ATP13A3: variants seen among roughly 807,000 people sequenced by gnomAD.
ATP13A3 encodes the protein ATPase 13A3.
ATP13A3 carries 59 observed loss-of-function variants against 158.1 expected under a neutral mutation model. The observed-to-expected ratio is 0.37, with a 90% CI of 0.30 to 0.46. The LOEUF is 0.46. ATP13A3 is among the 20% of genes least tolerant of loss of function. ATP13A3 has a pLI of 1.00. For missense variants in ATP13A3, 1,166 were observed against 1,525.2 expected, an observed-to-expected ratio of 0.76 and a Z score of 3.92; for synonymous variants, 491 against 504.3, an observed-to-expected ratio of 0.97 and a Z score of 0.35.
intron 2 of ATP13A3, among the ~76,000 whole-genome samples, chr3:194,483,500 G>C (rs140000413): frequency 6.7e-6 from 1 of 149,546 alleles, no homozygotes; most frequent in African/African-American, 2.5e-5. Context: ...TGAGGTGGGA[G>C]GACTGCTTGA....
At chr3:194,493,959 C>T (rs1721176553) in intron 2 of ATP13A3, 3 of 388,900 alleles carry the variant, frequency 7.7e-6, no homozygotes, top group Non-Finnish European at 1.4e-5. Flanking sequence ...TTTCTGCTTA[C>T]AAATTGAGGA....
intron 2 of ATP13A3, among the ~76,000 whole-genome samples, chr3:194,473,867 T>C (rs1007760952): frequency 3.9e-5 from 6 of 152,212 alleles, no homozygotes; most frequent in Non-Finnish European, 7.3e-5. Context: ...AAGATAGAGC[T>C]ATGTAATATA....
chr3:194,441,662 G>A (rs1424376852), intron 15 of ATP13A3, among the ~76,000 whole-genome samples: 5 of 152,082 alleles, frequency 3.3e-5, no homozygotes, highest in Non-Finnish European at 5.9e-5. Context: ...TGCTATGGCT[G>A]CTGGGGGGAT....
chr3:194,447,940 T>C lies in ATP13A3; in HGVS notation c.1220A>G (p.Tyr407Cys), dbSNP rs1429325653. Residue 407 changes from tyrosine to cysteine, a missense_variant, in exon 13 of 34, where the codon TAC (tyrosine) becomes TGC (cysteine). This residue lies in a region of ATP13A3 where 997 missense variants were observed against 1,341.2 expected (regional missense o/e 0.74). Coordinates refer to ENST00000645319, the MANE Select transcript of ATP13A3 (RefSeq NM_001367549.1). Reference protein sequence around the residue: ...LYPKPTDFKLYRDAYLFLLCL... With the variant: ...LYPKPTDFKLCRDAYLFLLCL... ...TAGTAGAAACAAGTAGGCATCTCTG[T>C]AGAGTTTAAAATCAGTTGGTTTGGG... 1.2e-6 allele frequency: 2 copies of C among 1,610,954 alleles called. No individual in the cohort carries two copies. The highest frequency in any genetic ancestry group is 1.1e-5 in the South Asian group (1 of 91,004).
At chr3:194,459,612 T>C in intron 5 of ATP13A3, 71 bp from the exon 6 acceptor site, 5 of 1,277,686 alleles carry the variant, frequency 3.9e-6, no homozygotes, top group Non-Finnish European at 5.6e-6. Flanking sequence ...GTTACTTCTA[T>C]TAACAGCTAT....
intron 2 of ATP13A3, among the ~76,000 whole-genome samples, chr3:194,476,905 C>A (rs1300136725): frequency 5.3e-5 from 8 of 151,976 alleles, no homozygotes; most frequent in Admixed American, 1.3e-4. Flanking sequence ...CGGAAGGGAG[C>A]CTCAACTGGG....
chr3:194,438,870 C>G lies in ATP13A3; in HGVS notation c.1813G>C (p.Gly605Arg), dbSNP rs1435546934. 6.3e-7 allele frequency: 1 copy of G among 1,589,946 alleles called. No homozygotes were observed. ...KQLLPESTPA[G>R]NQEMELFELP... Reference sequence around the variant, plus strand: ...TGATTTCTCACCATTTCTTGGTTTCCTGCAGGGGTAGATTCAGGAAGCAGT... The same window carrying G: ...TGATTTCTCACCATTTCTTGGTTTCGTGCAGGGGTAGATTCAGGAAGCAGT... The change falls in exon 17 of 34, where the codon GGA becomes CGA. Residue 605 changes from glycine to arginine, a missense_variant. Around this residue, in one of 3 missense-constraint regions of ATP13A3, gnomAD observed 997 missense variants for 1,341.2 expected, o/e 0.74. Coordinates refer to ENST00000645319, the MANE Select transcript of ATP13A3 (RefSeq NM_001367549.1).
At chr3:194,492,977 C>T (rs115447031) in intron 2 of ATP13A3, among the ~76,000 whole-genome samples, 4,035 of 152,108 alleles carry the variant, frequency 0.027, 183 homozygotes, top group African/African-American at 0.094. Context: ...ATATCCTTCT[C>T]ACCCGGGCAC....
intron 10 of ATP13A3, among the ~76,000 whole-genome samples, chr3:194,453,451 T>G (rs953622258): frequency 2.0e-5 from 3 of 150,832 alleles, no homozygotes; most frequent in African/African-American, 4.9e-5. Flanking sequence ...ATAGAAAAAT[T>G]AGCTGGGCAT....
chr3:194,460,032 C>A, intron 4 of ATP13A3, 61 bp from the exon 5 acceptor site: 1 of 1,310,006 alleles, frequency 7.6e-7, no homozygotes, highest in South Asian at 1.4e-5. Flanking sequence ...CCTATATTTT[C>A]ATTTATTTTC....
upstream of ATP13A3, chr3:194,488,852 T>A (rs1026492511): frequency 1.3e-5 from 2 of 152,270 alleles, no homozygotes; most frequent in African/African-American, 4.8e-5. This position sits in a 1 kb window ranked among gnomAD's most constrained non-coding sequence, Gnocchi z 4.1. Flanking sequence ...TGCATCCTCA[T>A]GGATGCAGCT....
chr3:194,444,648 T>TC, intron 15 of ATP13A3, 77 bp downstream of exon 15: 1 of 1,277,820 alleles, frequency 7.8e-7, no homozygotes. Flanking sequence ...GTCTATTACT[T>TC]CCTTTATGTT....
Position 194,402,875 on chromosome 3 carries a change from T to A in ATP13A3, c.*3044A>T, listed in dbSNP as rs546031834. On this transcript the variant is annotated 3_prime_UTR_variant, in exon 34 of 34. Coordinates refer to ENST00000645319, the MANE Select transcript of ATP13A3 (RefSeq NM_001367549.1). ...AAGTTACTTAAAAAAATCCAAGGTC[T>A]TAGGGAATTCACAAATCATAACTAG... The A allele has an allele frequency of 6.6e-6, 1 of 152,172 alleles. No individual in the cohort carries two copies. The allele number at this position is 152,172 out of a possible 1,614,324, so 9.4% of individuals were successfully genotyped here. A position where few individuals can be genotyped will look rare whatever the true frequency, so the allele number is the denominator to read the frequency against.
intron 31 of ATP13A3, among the ~76,000 whole-genome samples, chr3:194,418,046 G>T (rs1477741560): frequency 1.3e-5 from 2 of 151,082 alleles, no homozygotes; most frequent in Non-Finnish European, 1.5e-5. Flanking sequence ...AAGGAATGAA[G>T]GAAGGAAGGA....
intron 2 of ATP13A3, among the ~76,000 whole-genome samples, chr3:194,467,170 A>G (rs1211886160): frequency 1.3e-5 from 2 of 152,234 alleles, no homozygotes; most frequent in Admixed American, 1.3e-4. Context: ...ATAACTTTAG[A>G]AAGGAACTGC....
intron 3 of ATP13A3, among the ~76,000 whole-genome samples, chr3:194,461,128 T>C (rs1179338610): frequency 6.6e-6 from 1 of 152,326 alleles, no homozygotes; most frequent in African/African-American, 2.4e-5. Flanking sequence ...CCTAGAATGT[T>C]TGCAATTTCA....
chr3:194,448,443 A>C lies in ATP13A3; in HGVS notation c.1150+14T>G, dbSNP rs1718557250. 6.2e-7 allele frequency: 1 copy of C among 1,607,892 alleles called. No homozygotes were observed. Among genetic ancestry groups the C allele is most frequent in the African/African-American group, 1.3e-5 (1 of 74,866 alleles). ...TGAAACATGCAAAAAGAGATTAATT[A>C]AGATGTTTCCTACCTGTTCTAACAA... On this transcript the variant is annotated intron_variant, in intron 12 of 33. Transcript: ENST00000645319. This position sits in a 1 kb window ranked among gnomAD's most constrained non-coding sequence, Gnocchi z 4.0.
intron 6 of ATP13A3, 170 bp downstream of exon 6, chr3:194,459,301 A>C (rs1719468999): frequency 1.7e-6 from 1 of 597,366 alleles, no homozygotes; most frequent in Non-Finnish European, 3.0e-6. Context: ...GACTTATTTT[A>C]AAATGGCTAA....
intron 33 of ATP13A3, among the ~76,000 whole-genome samples, chr3:194,407,164 T>C (rs1350568570): frequency 6.6e-6 from 1 of 152,218 alleles, no homozygotes; most frequent in Non-Finnish European, 1.5e-5. Context: ...TCGTAGTAGT[T>C]ATATTTACTT....
Sources: allele counts gnomAD v4.1 joint callset (sites outside exome capture counted in the v4.1 genomes callset), GRCh38; gene constraint gnomAD v4.1.1; regional missense constraint gnomAD v4.1.1; non-coding constraint Gnocchi (gnomAD v3.1); transcripts MANE v1.5; gene names NCBI Gene and HGNC (gene_info 2026-07-23, HGNC 2026-07-21).